Variants in GLCE observed in about 807,000 individuals in gnomAD.
The protein encoded by GLCE is glucuronic acid epimerase, also known as D-glucuronyl C5-epimerase.
A neutral mutation model predicts 47.9 loss-of-function variants in GLCE; 19 were observed. The ratio of observed to expected loss-of-function variants is 0.40; its 90% CI spans 0.28 to 0.58. The LOEUF is 0.58. Among genes scored for constraint, GLCE ranks in the 20% least tolerant of loss-of-function variants. GLCE has a pLI of 0.48. For missense variants in GLCE, 556 were observed against 743.3 expected (o/e 0.75, Z 2.93); for synonymous variants, 245 against 263.4 (o/e 0.93, Z 0.68).
At chr15:69,226,733 CTTTTTTTTTT>C (rs61212919) in intron 2 of GLCE, among the ~76,000 whole-genome samples, 2 of 42,864 alleles carry the variant, frequency 4.7e-5, no homozygotes, top group East Asian at 7.5e-4. Context: ...GCTTGCTTGC[CTTTTTTTTTT>C]TTTTTTTTTT....
chr15:69,227,697 G>A (rs1010401298), intron 2 of GLCE, among the ~76,000 whole-genome samples: 1 of 152,162 alleles, frequency 6.6e-6, no homozygotes, highest in Non-Finnish European at 1.5e-5. Context: ...TTTCAATTTT[G>A]TTCTCACCCT....
intron 2 of GLCE, among the ~76,000 whole-genome samples, chr15:69,226,047 G>GACAC (rs36218660): frequency 1.7e-4 from 10 of 59,592 alleles, no homozygotes; most frequent in East Asian, 5.2e-4. Flanking sequence ...CGCATGCACA[G>GACAC]ACACACACAC....
Position 69,256,005 on chromosome 15 carries a change from C to T in GLCE, c.199C>T (p.His67Tyr), listed in dbSNP as rs1295149591. 6.2e-7 allele frequency: 1 copy of T among 1,613,960 alleles called. No individual in the cohort carries two copies. Among genetic ancestry groups the T allele is most frequent in the Non-Finnish European group, 8.5e-7 (1 of 1,179,954 alleles). Reference protein sequence around the residue: ...AASESNNYMNHVAKQQSEEAF... With the variant: ...AASESNNYMNYVAKQQSEEAF... ...ATCTGAGAGTAACAACTATATGAAC[C>T]ACGTGGCCAAACAACAGTCTGAGGA... Residue 67 changes from histidine to tyrosine, a missense_variant, in exon 3 of 5, where the codon CAC becomes TAC. Coordinates refer to ENST00000261858, the MANE Select transcript of GLCE (RefSeq NM_015554.3).
chr15:69,203,288 T>C (rs547573843), intron 1 of GLCE, among the ~76,000 whole-genome samples: 8 of 152,214 alleles, frequency 5.3e-5, no homozygotes, highest in South Asian at 4.2e-4. Context: ...GGGAAAAAAC[T>C]CCTGTGTTTA....
intron 2 of GLCE, among the ~76,000 whole-genome samples, chr15:69,218,771 A>G (rs2052340425): frequency 6.6e-6 from 1 of 152,200 alleles, no homozygotes; most frequent in Non-Finnish European, 1.5e-5. Flanking sequence ...AAGATTATCT[A>G]ATAACATTAC....
intron 2 of GLCE, among the ~76,000 whole-genome samples, chr15:69,227,663 T>C (rs1228786291): frequency 1.3e-5 from 2 of 152,252 alleles, no homozygotes; most frequent in African/African-American, 4.8e-5. Context: ...AACTTGGGCA[T>C]ATATGCTGAC....
At chr15:69,245,786 G>T (rs1049599206) in intron 2 of GLCE, among the ~76,000 whole-genome samples, 7 of 151,736 alleles carry the variant, frequency 4.6e-5, no homozygotes, top group African/African-American at 1.7e-4. Flanking sequence ...TGGAGTGCAG[G>T]GGCACCGTGT....
rs532822237 is a variant in GLCE, at chr15:69,198,927, T to C, written c.-104-11389T>C. Among the ~76,000 whole-genome samples the C allele has an allele frequency of 2.4e-3, 360 of 152,162 alleles. 1 individual carries two copies. Among genetic ancestry groups the C allele is most frequent in the Non-Finnish European group, 4.5e-3 (304 of 67,982 alleles). On this transcript the variant is annotated intron_variant, in intron 1 of 4. Coordinates refer to ENST00000261858, the MANE Select transcript of GLCE (RefSeq NM_015554.3). ...AAGAGGGTTACACAACATGTGACTATCAGAAGGCAGGGATCACTGCAGGGA... is the reference window on the plus strand; with the variant it reads ...AAGAGGGTTACACAACATGTGACTACCAGAAGGCAGGGATCACTGCAGGGA...
At chr15:69,197,903 A>G (rs552880356) in intron 1 of GLCE, among the ~76,000 whole-genome samples, 3 of 152,308 alleles carry the variant, frequency 2.0e-5, no homozygotes, top group East Asian at 3.9e-4. Context: ...ATATTTGACA[A>G]TGCAGTAGAA....
intron 1 of GLCE, among the ~76,000 whole-genome samples, chr15:69,205,490 C>T (rs899761403): frequency 2.1e-4 from 32 of 152,028 alleles, no homozygotes; most frequent in African/African-American, 7.0e-4. Context: ...AATGAGTTCT[C>T]ATTTCTTTTG....
At chr15:69,257,054 T>G (rs1426217223) in intron 3 of GLCE, among the ~76,000 whole-genome samples, 1 of 152,224 alleles carries the variant, frequency 6.6e-6, no homozygotes, top group Non-Finnish European at 1.5e-5. Flanking sequence ...GGTTTTACTT[T>G]CCTCATTTTG....
chr15:69,217,952 G>A (rs185694496), intron 2 of GLCE, among the ~76,000 whole-genome samples: 219 of 150,858 alleles, frequency 1.5e-3, no homozygotes, highest in African/African-American at 5.2e-3. Context: ...TCAGGAGTTC[G>A]AGACCAACCT....
chr15:69,215,154 A>T (rs994120280), intron 2 of GLCE, among the ~76,000 whole-genome samples: 6 of 152,134 alleles, frequency 3.9e-5, no homozygotes, highest in Non-Finnish European at 7.3e-5. Flanking sequence ...GCATAGAGTC[A>T]CATATCTACC....
chr15:69,258,709 C>A (rs1405994372), intron 3 of GLCE, among the ~76,000 whole-genome samples: 1 of 152,078 alleles, frequency 6.6e-6, no homozygotes, highest in African/African-American at 2.4e-5. Flanking sequence ...TCACCTCAAC[C>A]ATTTATCCTT....
At chr15:69,203,068 G>T (rs1423973395) in intron 1 of GLCE, among the ~76,000 whole-genome samples, 6 of 152,138 alleles carry the variant, frequency 3.9e-5, no homozygotes, top group African/African-American at 1.4e-4. Flanking sequence ...CTTTTATAGA[G>T]ATAGGTGGTT....
rs762832791 is a variant in GLCE, at chr15:69,269,277, C to T, written c.*33C>T. The T allele has an allele frequency of 8.3e-6, 13 of 1,560,676 alleles. No individual in the cohort carries two copies. The highest frequency in any genetic ancestry group is 1.1e-5 in the Non-Finnish European group (13 of 1,135,848). ...AACCAAAACTGCACTTCAGCCTCTG[C>T]TGTACACAGAAACTACAGGCTCTGT... On this transcript the variant is annotated 3_prime_UTR_variant, in exon 5 of 5. Coordinates refer to ENST00000261858, the MANE Select transcript of GLCE (RefSeq NM_015554.3).
chr15:69,246,142 A>C (rs1417208388), intron 2 of GLCE, among the ~76,000 whole-genome samples: 1 of 152,064 alleles, frequency 6.6e-6, no homozygotes, highest in Non-Finnish European at 1.5e-5. Context: ...TTCAGACTCT[A>C]CTTCTAATTC....
intron 2 of GLCE, among the ~76,000 whole-genome samples, chr15:69,252,377 G>A (rs1441408783): frequency 1.3e-5 from 2 of 152,210 alleles, no homozygotes; most frequent in Non-Finnish European, 2.9e-5. Context: ...AGAAGGCAAA[G>A]CTGGAGCAAG....
chr15:69,235,090 A>AATCTTT (rs1163529945), intron 2 of GLCE, among the ~76,000 whole-genome samples: 10 of 82,508 alleles, frequency 1.2e-4, no homozygotes, highest in African/African-American at 5.7e-4. Context: ...GATGAAGATT[A>AATCTTT]TTCTTTTTTT....
Sources: gnomAD v4.1 joint callset for allele counts (sites outside exome capture counted in the v4.1 genomes callset) on GRCh38, gnomAD v4.1.1 for gene constraint, MANE v1.5 for transcripts, NCBI Gene and HGNC (gene_info 2026-07-23, HGNC 2026-07-21) for gene names.